The following HERC2 variants were observed in gnomAD, a reference collection of about 807,000 sequenced individuals.
HERC2 encodes E3 ubiquitin-protein ligase HERC2.
HERC2 carries 102 observed loss-of-function variants against 537.7 expected under a neutral mutation model. The ratio of observed to expected loss-of-function variants is 0.19; its 90% CI spans 0.16 to 0.22. HERC2 has a LOEUF of 0.22. HERC2 is among the 10% of genes least tolerant of loss of function. The probability of loss-of-function intolerance (pLI) is 1.00; values close to 1 mark genes in which losing one functional copy is unlikely to be tolerated. For missense variants in HERC2, 4,236 were observed against 6,198.2 expected, an observed-to-expected ratio of 0.68 and a Z score of 10.63; for synonymous variants, 2,224 against 2,466.2, an observed-to-expected ratio of 0.90 and a Z score of 2.91.
rs1288021750 is a variant in HERC2, at chr15:28,202,340, G to C, written c.7480+7C>G. ...ATACACAAGCAGAGGCCAGGAAAACGAAGTACCAGGCAAGCTGGATGCATT... is the reference window on the plus strand; with the variant it reads ...ATACACAAGCAGAGGCCAGGAAAACCAAGTACCAGGCAAGCTGGATGCATT... On this transcript the variant is annotated splice_region_variant and intron_variant, in intron 46 of 92. Transcript: ENST00000261609. 2 of 1,613,682 alleles carry C rather than the reference G, an allele frequency of 1.2e-6. No homozygotes were observed. The highest frequency in any genetic ancestry group is 1.7e-6 in the Non-Finnish European group (2 of 1,179,668).
chr15:28,257,028 A>G (rs765728769), intron 17 of HERC2, 33 bp downstream of exon 17: 26 of 1,575,928 alleles, frequency 1.6e-5, no homozygotes, highest in East Asian at 4.5e-5. Context: ...AGACACTTAC[A>G]AAAGGAGGAA....
At chr15:28,124,354 G>T (rs1487930392) in intron 84 of HERC2, 120 bp from the exon 85 acceptor site, 2 of 610,940 alleles carry the variant, frequency 3.3e-6, no homozygotes, top group East Asian at 3.4e-5. Flanking sequence ...TATGGTGTCT[G>T]AGTTTGGTTT....
At chr15:28,123,153 C>T (rs549158119) in intron 85 of HERC2, among the ~76,000 whole-genome samples, 27 of 152,226 alleles carry the variant, frequency 1.8e-4, no homozygotes, top group African/African-American at 6.3e-4. Context: ...CTCAGGCACA[C>T]GTGAAAGTAA....
intron 2 of HERC2, among the ~76,000 whole-genome samples, chr15:28,299,871 G>C (rs2076572097): frequency 1.3e-5 from 2 of 151,932 alleles, no homozygotes; most frequent in South Asian, 4.2e-4. Context: ...GGCCAACACG[G>C]TGAAACCCCG....
rs1187073850 is a variant in HERC2 at position 28,148,796 on chromosome 15, C to T, written c.10901-2452G>A. Among the ~76,000 whole-genome samples, 15 of 152,194 alleles carry T rather than the reference C, an allele frequency of 9.9e-5. 1 individual carries two copies. The Middle Eastern group carries it at 0.017, about 173-fold the overall frequency. The stretch of plus-strand genomic sequence containing the variant: ...TTCTAACCGAGAGCATCACCGAGAA[C>T]GGCCACACGAACGTACATTCTAGTA... On this transcript the variant is annotated intron_variant, in intron 70 of 92. Coordinates refer to ENST00000261609, the MANE Select transcript of HERC2 (RefSeq NM_004667.6).
intron 55 of HERC2, among the ~76,000 whole-genome samples, 158 bp from the exon 56 acceptor site, chr15:28,186,910 A>C (rs1896362009): frequency 6.6e-6 from 1 of 152,216 alleles, no homozygotes. Context: ...AAGTTAATGC[A>C]GCCACATCTG....
chr15:28,264,305 A>G (rs990753178), intron 14 of HERC2, among the ~76,000 whole-genome samples: 9 of 152,210 alleles, frequency 5.9e-5, no homozygotes, highest in Non-Finnish European at 1.0e-4. Flanking sequence ...CTGCATGCCA[A>G]TACAACTCTA....
At chr15:28,320,750 ATTAT>A (rs1356025173) in intron 2 of HERC2, among the ~76,000 whole-genome samples, 2 of 151,160 alleles carry the variant, frequency 1.3e-5, no homozygotes, top group Non-Finnish European at 2.9e-5. Context: ...AATATTAGTT[ATTAT>A]TTATTTAATA....
intron 67 of HERC2, 111 bp downstream of exon 67, chr15:28,168,295 TA>T: frequency 9.5e-7 from 1 of 1,050,654 alleles, no homozygotes; most frequent in Non-Finnish European, 1.4e-6. Context: ...GCCAAAAATC[TA>T]AGCGGGAGGC....
chr15:28,301,023 C>A (rs559568460), intron 2 of HERC2, among the ~76,000 whole-genome samples: 13 of 151,860 alleles, frequency 8.6e-5, no homozygotes, highest in African/African-American at 2.9e-4. Context: ...CTCTCAGAAC[C>A]ATTTCCCAAT....
intron 50 of HERC2, 53 bp downstream of exon 50, chr15:28,198,325 C>T (rs1897548877): frequency 1.3e-6 from 2 of 1,571,164 alleles, no homozygotes; most frequent in Non-Finnish European, 1.7e-6. Context: ...ACTAAGTACA[C>T]ATGCGTTAAT....
rs549144322 is a variant in HERC2, at chr15:28,152,714, G to A, written c.10863C>T (p.Thr3621=). 2.1e-4 allele frequency: 323 copies of A among 1,551,314 alleles called. No homozygotes were observed. Among genetic ancestry groups the A allele is most frequent in the South Asian group, 1.4e-4 (12 of 83,916 alleles). ...CTGTGCCACTGGTGGAGGTGTCGTC[G>A]GTGTAAGGGTGGCTACTCTCCACCA... is the stretch of plus-strand genomic sequence containing the variant. ...PVVVESSHPY[T]DDTSTSGTVK... Residue 3621 remains threonine (T), a synonymous_variant, in exon 70 of 93, where the codon ACC becomes ACT. Transcript: ENST00000261609.
intron 68 of HERC2, 140 bp downstream of exon 68, chr15:28,167,547 G>T: frequency 5.3e-6 from 5 of 948,048 alleles, no homozygotes; most frequent in Non-Finnish European, 6.4e-6. Flanking sequence ...TCCCACAAAC[G>T]CTTCGAAGAT....
intron 50 of HERC2, among the ~76,000 whole-genome samples, chr15:28,196,898 T>C (rs1451703093): frequency 1.3e-5 from 2 of 152,194 alleles, no homozygotes; most frequent in Admixed American, 6.5e-5. Flanking sequence ...TGGTTTTTAA[T>C]TACACCAAGT....
intron 40 of HERC2, among the ~76,000 whole-genome samples, 170 bp from the exon 41 acceptor site, chr15:28,214,442 G>A (rs1409108955): frequency 6.6e-6 from 1 of 151,198 alleles, no homozygotes; most frequent in Non-Finnish European, 1.5e-5. Context: ...CTCTTCACCA[G>A]GGCACAGGGA....
intron 69 of HERC2, among the ~76,000 whole-genome samples, chr15:28,157,605 T>G (rs1216023259): frequency 6.6e-6 from 1 of 152,220 alleles, no homozygotes; most frequent in African/African-American, 2.4e-5. Context: ...CTTTATCATT[T>G]TTTATTGCAT....
At position 28,125,180 on chromosome 15, in the gene HERC2, T is replaced by G; in HGVS notation, c.12816A>C (p.Thr4272=). Residue 4272 remains threonine (T), a synonymous_variant, in exon 84 of 93, where the codon ACA becomes ACC. Transcript: ENST00000261609. ...VCCTEDGEVY[T]WGDNDEGQLG... ...GTTGTCCCTCATCATTGTCGCCCCA[T>G]GTATAAACCTCACCTGAATGAAGTG... is the stretch of plus-strand genomic sequence containing the variant. The G allele has an allele frequency of 2.5e-6, 4 of 1,610,828 alleles. No individual in the cohort carries two copies. Among genetic ancestry groups the G allele is most frequent in the Non-Finnish European group, 3.4e-6 (4 of 1,177,124 alleles).
chr15:28,250,408 A>G (rs1343745124), intron 20 of HERC2, among the ~76,000 whole-genome samples: 1 of 152,214 alleles, frequency 6.6e-6, no homozygotes, highest in East Asian at 1.9e-4. Flanking sequence ...TCTAACATGT[A>G]TGCTACACCT....
chr15:28,241,654 T>C (rs1464383258), intron 23 of HERC2, among the ~76,000 whole-genome samples: 1 of 151,972 alleles, frequency 6.6e-6, no homozygotes, highest in East Asian at 1.9e-4. Flanking sequence ...ACCCCATCTC[T>C]ACTAAAATAC....
Sources: allele counts gnomAD v4.1 joint callset (sites outside exome capture counted in the v4.1 genomes callset), GRCh38; gene constraint gnomAD v4.1.1; transcripts MANE v1.5; gene names NCBI Gene and HGNC (gene_info 2026-07-23, HGNC 2026-07-21).